Variants in CDH23 observed in about 807,000 individuals in gnomAD.
CDH23 encodes cadherin related 23.
A neutral mutation model predicts 317.1 loss-of-function variants in CDH23; 189 were observed. The ratio of observed to expected loss-of-function variants is 0.60; its 90% CI spans 0.53 to 0.67. The LOEUF (loss-of-function observed/expected upper bound fraction) is 0.67. Ranked by LOEUF, CDH23 falls within the 30% of genes least tolerant of loss-of-function variation. The pLI is 0.00. For missense variants in CDH23, 4,401 were observed against 4,592.4 expected (o/e 0.96, Z 1.20); for synonymous variants, 1,839 against 1,876.8 (o/e 0.98, Z 0.52).
intron 28 of CDH23, among the ~76,000 whole-genome samples, chr10:71,719,228 C>T (rs932855227): frequency 1.3e-5 from 2 of 152,208 alleles, no homozygotes; most frequent in Non-Finnish European, 2.9e-5. Flanking sequence ...CCTTGACACC[C>T]GGCTACTGAC....
intron 48 of CDH23, chr10:71,796,070 G>A (rs1225544664): frequency 5.1e-6 from 5 of 987,082 alleles, no homozygotes; most frequent in East Asian, 2.3e-4. Context: ...GGAGGAGGAG[G>A]CGGCCCAGGG....
intron 47 of CDH23, among the ~76,000 whole-genome samples, chr10:71,792,627 C>T (rs1841281486): frequency 7.7e-6 from 1 of 129,576 alleles, no homozygotes; most frequent in Admixed American, 7.9e-5. Context: ...GAGTTCCAGA[C>T]CAGCCTGACA....
At chr10:71,584,542 C>CTGTGTGTGTG (rs138103081) in intron 9 of CDH23, among the ~76,000 whole-genome samples, 3,296 of 145,708 alleles carry the variant, frequency 0.023, 72 homozygotes, top group East Asian at 0.042. Context: ...GAAGGGAAGT[C>CTGTGTGTGTG]TGTGTGTGTG....
rs753237056 is a variant in CDH23 at position 71,706,938 on chromosome 10, G to A, written c.2995G>A (p.Val999Met). The change falls in exon 26 of 70, where the codon GTG becomes ATG. Residue 999 changes from valine to methionine, a missense_variant. Coordinates refer to ENST00000224721, the MANE Select transcript of CDH23 (RefSeq NM_022124.6). The stretch of plus-strand genomic sequence containing the variant: ...CGAGACGCCCACCTTCTTCCCGGCC[G>A]TGTACAATGTGTCTGTGTCCGAGGA... ...NDETPTFFPAVYNVSVSEDVP... is the reference protein window; with the variant it reads ...NDETPTFFPAMYNVSVSEDVP... 3.2e-5 allele frequency: 51 copies of A among 1,606,522 alleles called. No homozygotes were observed. The Middle Eastern group carries it at 4.9e-4, about 16-fold the overall frequency.
At chr10:71,437,080 T>C (rs1437828534) in intron 1 of CDH23, among the ~76,000 whole-genome samples, 2 of 152,236 alleles carry the variant, frequency 1.3e-5, no homozygotes, top group South Asian at 4.1e-4. Flanking sequence ...TGCAATGCTA[T>C]ACCATTTTTC....
Position 71,740,865 on chromosome 10 carries a change from A to G in CDH23, c.4532A>G (p.His1511Arg), listed in dbSNP as rs1839715734. Residue 1511 changes from histidine (H) to arginine (R), a missense_variant, in exon 37 of 70, where the codon CAC becomes CGC. Physicochemically the swap from His to Arg is conservative, Grantham distance 29. This residue lies in a region of CDH23 where 3,068 missense variants were observed against 3,203.3 expected (regional missense o/e 0.96). Transcript: ENST00000224721. ...GGCACCCCTCCACGGAAGAAGGACCACATCCTGCAGGTGACCATCCTGGAC... is the reference window on the plus strand; with the variant it reads ...GGCACCCCTCCACGGAAGAAGGACCGCATCCTGCAGGTGACCATCCTGGAC... ...DRGTPPRKKD[H>R]ILQVTILDIN... 1.9e-6 allele frequency: 3 copies of G among 1,613,874 alleles called. No individual in the cohort carries two copies. Among genetic ancestry groups the G allele is most frequent in the East Asian group, 2.2e-5 (1 of 44,882 alleles).
At chr10:71,673,031 T>C (rs1294285352) in intron 14 of CDH23, among the ~76,000 whole-genome samples, 3 of 152,164 alleles carry the variant, frequency 2.0e-5, no homozygotes, top group Non-Finnish European at 2.9e-5. Context: ...TTTCTTTCTG[T>C]CATTTGCTTC....
At chr10:71,643,926 G>A (rs1862697795) in intron 12 of CDH23, 60 bp downstream of exon 12, 1 of 764,680 alleles carries the variant, frequency 1.3e-6, no homozygotes, top group Admixed American at 1.7e-5. Context: ...TGGGCACAGT[G>A]GGGAGGGGCT....
At chr10:71,416,021 A>G (rs1241262312) in intron 1 of CDH23, among the ~76,000 whole-genome samples, 1 of 152,202 alleles carries the variant, frequency 6.6e-6, no homozygotes, top group African/African-American at 2.4e-5. Flanking sequence ...ACATCTTATC[A>G]TTCAGATATT....
chr10:71,453,841 G>A (rs529966739), intron 3 of CDH23, among the ~76,000 whole-genome samples: 1 of 152,348 alleles, frequency 6.6e-6, no homozygotes, highest in South Asian at 2.1e-4. Context: ...GTGGCTCCCG[G>A]ACATCAGCTG....
intron 1 of CDH23, among the ~76,000 whole-genome samples, chr10:71,420,353 C>T (rs10999804): frequency 0.41 from 60,597 of 146,438 alleles, 15,165 homozygotes; most frequent in East Asian, 0.55. Context: ...TTTCTGCTTT[C>T]TCAGTGTCCT....
chr10:71,753,094 C>G, intron 38 of CDH23: 1 of 1,479,598 alleles, frequency 6.8e-7, no homozygotes, highest in Non-Finnish European at 9.2e-7. Context: ...CTGCAGGGAA[C>G]AGGAGCGAGC....
rs1355000801 is a variant in CDH23 at position 71,760,108 on chromosome 10, T to C, written c.4846-17572T>C. 9.1e-5 allele frequency among the ~76,000 whole-genome samples: 11 copies of C among 120,250 alleles called. 3 individuals carry two copies. The highest frequency in any genetic ancestry group is 2.5e-4 in the African/African-American group (9 of 35,656). The allele number at this position is 120,250 out of a possible 152,430, so 78.9% of individuals were successfully genotyped here. A position where few individuals can be genotyped will look rare whatever the true frequency, so the allele number is the denominator to read the frequency against. The stretch of plus-strand genomic sequence containing the variant: ...ACACACATATACACACACACATACA[T>C]ACATATATGTGTGTATATATATGTA... On this transcript the variant is annotated intron_variant, in intron 38 of 69. Coordinates refer to ENST00000224721, the MANE Select transcript of CDH23 (RefSeq NM_022124.6).
intron 11 of CDH23, among the ~76,000 whole-genome samples, chr10:71,641,133 C>T (rs1280016601): frequency 6.6e-6 from 1 of 152,124 alleles, no homozygotes. Flanking sequence ...ACCTTTTTCT[C>T]GACTCCTATA....
intron 6 of CDH23, among the ~76,000 whole-genome samples, chr10:71,559,143 T>G (rs1857005175): frequency 6.6e-6 from 1 of 152,206 alleles, no homozygotes; most frequent in African/African-American, 2.4e-5. Flanking sequence ...CGGCCTGAGC[T>G]TCAGCTCACC....
rs535416598 is a variant in CDH23 at position 71,705,116 on chromosome 10, C to G, written c.2939C>G (p.Thr980Arg). 4 of 1,610,168 alleles carry G rather than the reference C, an allele frequency of 2.5e-6. No individual in the cohort carries two copies. In the African/African-American group the frequency reaches 4.0e-5, roughly 16 times the overall value. ...AGTPTKSSTS[T>R]LTIHVLDVND... is the part of the protein sequence containing the mutation. The stretch of plus-strand genomic sequence containing the variant: ...ACGCCCACCAAGAGCTCCACCAGCA[C>G]GCTCACCATCCATGGTGAGGGGGCG... Residue 980 changes from threonine (T) to arginine (R), a missense_variant, in exon 25 of 70, where the codon ACG (threonine) becomes AGG (arginine). Thr to Arg is a moderately conservative substitution (Grantham distance 71, BLOSUM62 -1). Transcript: ENST00000224721.
chr10:71,658,137 G>A (rs1327682740), intron 14 of CDH23, among the ~76,000 whole-genome samples: 2 of 152,232 alleles, frequency 1.3e-5, no homozygotes, highest in East Asian at 1.9e-4. Context: ...TGACGGGTCC[G>A]GAGTTCCTCT....
chr10:71,782,084 A>G (rs938983962), intron 41 of CDH23, among the ~76,000 whole-genome samples: 7 of 152,202 alleles, frequency 4.6e-5, no homozygotes, highest in African/African-American at 1.7e-4. Flanking sequence ...CTGAGGCTGG[A>G]AGGCTGCTTT....
chr10:71,459,372 A>G (rs1850865981), intron 3 of CDH23, among the ~76,000 whole-genome samples: 1 of 152,146 alleles, frequency 6.6e-6, no homozygotes, highest in Non-Finnish European at 1.5e-5. Context: ...GGCATGAGCC[A>G]CTGTGCCTGG....
Sources: allele counts gnomAD v4.1 joint callset (sites outside exome capture counted in the v4.1 genomes callset), GRCh38; gene constraint gnomAD v4.1.1; regional missense constraint gnomAD v4.1.1; transcripts MANE v1.5; gene names NCBI Gene and HGNC (gene_info 2026-07-23, HGNC 2026-07-21).